PADI3: variants seen among roughly 807,000 people sequenced by gnomAD.
The protein encoded by PADI3 is peptidyl arginine deiminase 3, also known as protein-arginine deiminase type-3.
PADI3 carries 53 observed loss-of-function variants against 71.5 expected under a neutral mutation model. That is an observed-to-expected ratio of 0.74 (90% CI 0.59 to 0.93). The LOEUF (loss-of-function observed/expected upper bound fraction) is 0.93. PADI3 is among the 40% of genes least tolerant of loss of function. PADI3 has a pLI of 0.00. For missense variants in PADI3, 821 were observed against 868.0 expected (o/e 0.95, Z 0.68); for synonymous variants, 361 against 347.5 (o/e 1.04, Z -0.43).
intron 1 of PADI3, among the ~76,000 whole-genome samples, chr1:17,255,872 C>T (rs2073020865): frequency 6.6e-6 from 1 of 152,156 alleles, no homozygotes; most frequent in African/African-American, 2.4e-5. Flanking sequence ...AGTCACACAC[C>T]TAATGAGTGG....
chr1:17,283,368 C>A lies in PADI3; in HGVS notation c.*289C>A, dbSNP rs577116423. 14 of 366,338 alleles carry A rather than the reference C, an allele frequency of 3.8e-5. No individual in the cohort carries two copies. The South Asian group carries it at 3.9e-4, about 10-fold the overall frequency. The allele number at this position is 366,338 out of a possible 1,614,324, so 22.7% of individuals were successfully genotyped here. On this transcript the variant is annotated 3_prime_UTR_variant, in exon 16 of 16. Coordinates refer to ENST00000375460, the MANE Select transcript of PADI3 (RefSeq NM_016233.2). ...CCCATGGAGATGTCCCCTTCTCACT[C>A]TGAAATCATCCATTTGGGGACAAAT... is the stretch of plus-strand genomic sequence containing the variant.
At position 17,283,179 on chromosome 1, in the gene PADI3, A is replaced by C; in HGVS notation, c.*100A>C. On this transcript the variant is annotated 3_prime_UTR_variant, in exon 16 of 16. Coordinates refer to ENST00000375460, the MANE Select transcript of PADI3 (RefSeq NM_016233.2). ...GAACGATAAGCACCAAGAGACCCCA[A>C]GGCTCCAGATGGAACACTGAGGGTG... 1.1e-6 allele frequency: 1 copy of C among 898,078 alleles called. No homozygotes were observed. The highest frequency in any genetic ancestry group is 2.2e-4 in the Middle Eastern group (1 of 4,486). The allele number at this position is 898,078 out of a possible 1,614,324, so 55.6% of individuals were successfully genotyped here. A position where few individuals can be genotyped will look rare whatever the true frequency, so the allele number is the denominator to read the frequency against.
At position 17,273,564 on chromosome 1, in the gene PADI3, G is replaced by A. The variant is rs991567225; in HGVS notation, c.1155+117G>A. The A allele has an allele frequency of 7.6e-5, 44 of 579,224 alleles. 1 individual carries two copies. The South Asian group carries it at 1.1e-3, about 14-fold the overall frequency. 35.9% of individuals were successfully genotyped at this position (579,224 alleles called of 1,614,324 possible). On this transcript the variant is annotated intron_variant, in intron 10 of 15. Transcript: ENST00000375460. ...GGAACCGTGCTCTTTAGGGATGAGG[G>A]TAGGGTTGCCAGATAAAATGCAGGG... is the stretch of plus-strand genomic sequence containing the variant.
intron 1 of PADI3, among the ~76,000 whole-genome samples, chr1:17,251,532 T>A (rs146010373): frequency 0.014 from 2,151 of 152,334 alleles, 29 homozygotes; most frequent in Middle Eastern, 0.034. Flanking sequence ...GCTTTCCATA[T>A]GTTAACTAAT....
At chr1:17,275,713 C>A (rs1234335598) in intron 11 of PADI3, among the ~76,000 whole-genome samples, 1 of 149,210 alleles carries the variant, frequency 6.7e-6, no homozygotes, top group African/African-American at 2.6e-5. Flanking sequence ...GTGGACTAGA[C>A]CAAGACATTG....
chr1:17,265,555 AG>A, intron 3 of PADI3, 103 bp from the exon 4 acceptor site: 1 of 998,110 alleles, frequency 1.0e-6, no homozygotes, highest in Non-Finnish European at 1.6e-6. Context: ...GTGTCTCCTT[AG>A]AAATGACTTG....
chr1:17,282,801 G>T lies in PADI3; in HGVS notation c.1762-45G>T, dbSNP rs200324671. 4.2e-4 allele frequency: 600 copies of T among 1,427,380 alleles called. 5 individuals are homozygous for T. In the African/African-American group the frequency reaches 7.4e-3, roughly 18 times the overall value. 88.4% of individuals were successfully genotyped at this position (1,427,380 alleles called of 1,614,324 possible). A position where few individuals can be genotyped will look rare whatever the true frequency, so the allele number is the denominator to read the frequency against. On this transcript the variant is annotated intron_variant, in intron 15 of 15. Transcript: ENST00000375460. ...TCCTGCAGGTAGAGTAGAGGTGTGG[G>T]GTGGGAGCCCAGTGATGAAGTGCTG...
At chr1:17,253,025 G>A (rs757106090) in intron 1 of PADI3, among the ~76,000 whole-genome samples, 4 of 152,230 alleles carry the variant, frequency 2.6e-5, no homozygotes, top group Non-Finnish European at 4.4e-5. Context: ...GGCCTGGAGT[G>A]TGAAATGACT....
intron 6 of PADI3, among the ~76,000 whole-genome samples, chr1:17,269,207 C>T (rs17378462): frequency 0.11 from 16,536 of 152,230 alleles, 970 homozygotes; most frequent in Non-Finnish European, 0.12. Flanking sequence ...TCACTGTTAA[C>T]GAGTTGGGAT....
intron 6 of PADI3, among the ~76,000 whole-genome samples, chr1:17,269,089 T>C (rs2073211004): frequency 6.6e-6 from 1 of 151,826 alleles, no homozygotes; most frequent in South Asian, 2.1e-4. Context: ...TTCACCATGC[T>C]GCCCAGGCTG....
intron 4 of PADI3, 84 bp downstream of exon 4, chr1:17,265,804 A>G (rs778052770): frequency 5.0e-6 from 6 of 1,206,068 alleles, no homozygotes; most frequent in Non-Finnish European, 7.4e-6. Flanking sequence ...AGGCCATTAC[A>G]GATATCCCCC....
intron 9 of PADI3, among the ~76,000 whole-genome samples, chr1:17,273,078 C>T (rs2073277139): frequency 6.6e-6 from 1 of 152,280 alleles, no homozygotes; most frequent in South Asian, 2.1e-4. Flanking sequence ...AGGGACACCC[C>T]CAAGGTCATG....
intron 7 of PADI3, 123 bp from the exon 8 acceptor site, chr1:17,270,756 G>C (rs1218849230): frequency 2.7e-6 from 2 of 737,080 alleles, no homozygotes; most frequent in African/African-American, 3.5e-5. Flanking sequence ...CACCCCTCTG[G>C]TTCATTTCCA....
intron 2 of PADI3, among the ~76,000 whole-genome samples, chr1:17,261,878 C>G (rs1488255481): frequency 6.6e-6 from 1 of 152,190 alleles, no homozygotes; most frequent in African/African-American, 2.4e-5. Flanking sequence ...CAAAGGGGAG[C>G]AAGAGCTTGT....
intron 6 of PADI3, among the ~76,000 whole-genome samples, chr1:17,269,731 C>T (rs2073220638): frequency 6.6e-6 from 1 of 152,206 alleles, no homozygotes; most frequent in Non-Finnish European, 1.5e-5. Flanking sequence ...AATCCTCCTG[C>T]CTAAGCCTCC....
chr1:17,265,386 C>CTT lies in PADI3; in HGVS notation c.347-273_347-272insTT, dbSNP rs536527657. Among the ~76,000 whole-genome samples the CTT allele has an allele frequency of 4.5e-3, 684 of 152,234 alleles. 6 individuals carry two copies. Among genetic ancestry groups the CTT allele is most frequent in the African/African-American group, 0.016 (655 of 41,530 alleles). On this transcript the variant is annotated intron_variant, in intron 3 of 15. Coordinates refer to ENST00000375460, the MANE Select transcript of PADI3 (RefSeq NM_016233.2). Reference sequence around the variant, plus strand: ...AGACCTGGGCTCAGTTCAGGGCATGCCTGGGACTGCAAGGGCTGCAGGGAT... The same window carrying CTT: ...AGACCTGGGCTCAGTTCAGGGCATGCTTCTGGGACTGCAAGGGCTGCAGGGAT...
At chr1:17,262,378 C>A (rs554193243) in intron 3 of PADI3, among the ~76,000 whole-genome samples, 173 bp downstream of exon 3, 1 of 152,358 alleles carries the variant, frequency 6.6e-6, no homozygotes, top group African/African-American at 2.4e-5. Flanking sequence ...AAAGCACATA[C>A]ATACCTGTAT....
At position 17,274,769 on chromosome 1, in the gene PADI3, T is replaced by C; in HGVS notation, c.1290T>C (p.Ile430=). Residue 430 remains isoleucine (I), a synonymous_variant, in exon 11 of 16, where the codon ATT becomes ATC. Coordinates refer to ENST00000375460, the MANE Select transcript of PADI3 (RefSeq NM_016233.2). The part of the protein sequence containing the change: ...GKEYPLGRIL[I]GGNLPGSSGR... ...AGTACCCCCTGGGGAGGATCCTCAT[T>C]GGGGGCAACCTGCCTGGGTGAGAGA... 1 of 1,613,424 alleles carries C rather than the reference T, an allele frequency of 6.2e-7. No individual in the cohort carries two copies. The highest frequency in any genetic ancestry group is 8.5e-7 in the Non-Finnish European group (1 of 1,179,702).
intron 3 of PADI3, 119 bp from the exon 4 acceptor site, chr1:17,265,540 G>A (rs1569893614): frequency 1.2e-6 from 1 of 868,928 alleles, no homozygotes; most frequent in Non-Finnish European, 1.9e-6. Context: ...CTCACCTCTT[G>A]GATGGTGTCT....
Sources: gnomAD v4.1 joint callset for allele counts (sites outside exome capture counted in the v4.1 genomes callset) on GRCh38, gnomAD v4.1.1 for gene constraint, MANE v1.5 for transcripts, NCBI Gene and HGNC (gene_info 2026-07-23, HGNC 2026-07-21) for gene names.